Variants in CDC73 observed in about 807,000 individuals in gnomAD.
The protein encoded by CDC73 is parafibromin.
Under a neutral mutation model 83.7 loss-of-function variants are expected in CDC73, and 21 were observed. The observed-to-expected ratio is 0.25, with a 90% confidence interval of 0.18 to 0.36. The LOEUF is 0.36. Ranked by LOEUF, CDC73 falls within the 10% of genes least tolerant of loss-of-function variation. The pLI, the probability that CDC73 is intolerant of heterozygous loss-of-function variation, is 1.00. For synonymous variants in CDC73, 224 were observed against 212.9 expected, an observed-to-expected ratio of 1.05 and a Z score of -0.45; for missense variants, 342 against 653.3, an observed-to-expected ratio of 0.52 and a Z score of 5.19.
chr1:193,219,190 C>T (rs990285118), intron 13 of CDC73, among the ~76,000 whole-genome samples: 3 of 152,188 alleles, frequency 2.0e-5, no homozygotes, highest in Admixed American at 6.5e-5. Context: ...AATGAGATAT[C>T]ATCTCACATC....
intron 10 of CDC73, chr1:193,180,528 C>T (rs768948154): frequency 3.1e-6 from 5 of 1,613,992 alleles, no homozygotes; most frequent in Non-Finnish European, 4.2e-6. Flanking sequence ...CAAGACAGAT[C>T]CCTACATATA....
chr1:193,232,688 G>C (rs1031643875), intron 13 of CDC73, among the ~76,000 whole-genome samples: 2 of 152,072 alleles, frequency 1.3e-5, no homozygotes, highest in African/African-American at 2.4e-5. Flanking sequence ...GGATCACAAG[G>C]TCAGCAGTTC....
At chr1:193,238,475 T>A (rs1677801975) in intron 15 of CDC73, among the ~76,000 whole-genome samples, 1 of 152,224 alleles carries the variant, frequency 6.6e-6, no homozygotes, top group Non-Finnish European at 1.5e-5. Flanking sequence ...CAGAATTTGA[T>A]TCTGTTGACT....
At chr1:193,160,072 A>G (rs1370500876) in intron 10 of CDC73, among the ~76,000 whole-genome samples, 1 of 152,188 alleles carries the variant, frequency 6.6e-6, no homozygotes, top group Non-Finnish European at 1.5e-5. Context: ...TGGTTGATAC[A>G]TTTTGTGTAA....
At chr1:193,164,574 A>G (rs555213198) in intron 10 of CDC73, among the ~76,000 whole-genome samples, 1 of 152,146 alleles carries the variant, frequency 6.6e-6, no homozygotes, top group Non-Finnish European at 1.5e-5. Flanking sequence ...GTACTGTGCA[A>G]TGAGCATATA....
chr1:193,234,607 T>C (rs932650398), intron 14 of CDC73, among the ~76,000 whole-genome samples: 5 of 152,052 alleles, frequency 3.3e-5, no homozygotes, highest in African/African-American at 1.2e-4. Context: ...CCCTACTTCC[T>C]TATTTTCCTT....
intron 10 of CDC73, among the ~76,000 whole-genome samples, chr1:193,152,650 A>G (rs1482788314): frequency 6.6e-6 from 1 of 152,214 alleles, no homozygotes; most frequent in African/African-American, 2.4e-5. Context: ...AGTTGAATAT[A>G]TGTAAATAAA....
intron 10 of CDC73, among the ~76,000 whole-genome samples, chr1:193,156,560 C>T (rs1019041052): frequency 1.3e-5 from 2 of 152,082 alleles, no homozygotes; most frequent in African/African-American, 2.4e-5. Context: ...TCAGGAGGAT[C>T]CAGAATCTCA....
At chr1:193,217,812 C>T (rs1677396591) in intron 13 of CDC73, among the ~76,000 whole-genome samples, 1 of 152,090 alleles carries the variant, frequency 6.6e-6, no homozygotes, top group Non-Finnish European at 1.5e-5. Flanking sequence ...CCAGGCCCTC[C>T]TCTACCCAGC....
chr1:193,237,235 C>T (rs1409611409), intron 15 of CDC73: 3 of 151,868 alleles, frequency 2.0e-5, no homozygotes, highest in Non-Finnish European at 4.4e-5. Flanking sequence ...TTTAGCAGCC[C>T]CAGTTTTTGT....
chr1:193,188,662 T>C (rs911413992), intron 10 of CDC73, among the ~76,000 whole-genome samples: 20 of 152,116 alleles, frequency 1.3e-4, no homozygotes, highest in South Asian at 2.1e-4. Flanking sequence ...ATAATTATTA[T>C]TCTTTTGCCA....
intron 6 of CDC73, among the ~76,000 whole-genome samples, chr1:193,140,767 C>T (rs951086612): frequency 6.6e-6 from 1 of 152,138 alleles, no homozygotes; most frequent in Non-Finnish European, 1.5e-5. Flanking sequence ...CAGCACGGCA[C>T]ATAATTTAAA....
intron 10 of CDC73, among the ~76,000 whole-genome samples, chr1:193,194,950 A>G (rs1312581746): frequency 2.0e-5 from 3 of 152,122 alleles, no homozygotes; most frequent in Non-Finnish European, 4.4e-5. Context: ...ATACACACAT[A>G]TAGATTTAGT....
intron 10 of CDC73, chr1:193,181,610 G>A (rs1676718192): frequency 6.8e-7 from 1 of 1,473,862 alleles, no homozygotes; most frequent in African/African-American, 1.4e-5. Context: ...GACCAAAAAT[G>A]TTTTCTTCTC....
At chr1:193,232,712 C>T (rs1677681338) in intron 13 of CDC73, among the ~76,000 whole-genome samples, 1 of 151,932 alleles carries the variant, frequency 6.6e-6, no homozygotes, top group African/African-American at 2.4e-5. Flanking sequence ...ACCAGCCTGA[C>T]CAACGTGGTG....
At chr1:193,125,818 A>G (rs1675560804) in intron 2 of CDC73, among the ~76,000 whole-genome samples, 2 of 150,762 alleles carry the variant, frequency 1.3e-5, no homozygotes, top group Admixed American at 1.3e-4. Context: ...AGCTTCCCTC[A>G]TGGGTTTCAA....
chr1:193,202,489 A>C (rs1389216593), intron 10 of CDC73, among the ~76,000 whole-genome samples: 1 of 152,058 alleles, frequency 6.6e-6, no homozygotes, highest in Admixed American at 6.5e-5. Flanking sequence ...AAATTTTTAC[A>C]AACAATACAT....
chr1:193,123,433 G>A (rs1558276897), intron 1 of CDC73, among the ~76,000 whole-genome samples: 1 of 152,116 alleles, frequency 6.6e-6, no homozygotes, highest in African/African-American at 2.4e-5. Flanking sequence ...CACCGTGTTG[G>A]TCAGGCTGGT....
intron 15 of CDC73, among the ~76,000 whole-genome samples, chr1:193,237,760 G>A (rs984782984): frequency 6.6e-6 from 1 of 152,098 alleles, no homozygotes; most frequent in African/African-American, 2.4e-5. Context: ...CATCCTCCTC[G>A]ACGTCTGTGA....
Sources: allele counts gnomAD v4.1 joint callset (sites outside exome capture counted in the v4.1 genomes callset), GRCh38; gene constraint gnomAD v4.1.1; transcripts MANE v1.5; gene names NCBI Gene and HGNC (gene_info 2026-07-23, HGNC 2026-07-21).